The following ODR4 variants were observed in gnomAD, a reference collection of about 807,000 sequenced individuals.
ODR4 encodes the protein protein odr-4 homolog.
A neutral mutation model predicts 60.2 loss-of-function variants in ODR4; 47 were observed. The ratio of observed to expected loss-of-function variants is 0.78; its 90% CI spans 0.62 to 1.00. ODR4 has a LOEUF of 1.00. Ranked by LOEUF, ODR4 falls within the 50% of genes least tolerant of loss-of-function variation. The pLI is 0.00. For missense variants in ODR4, 488 were observed against 530.8 expected, an observed-to-expected ratio of 0.92 and a Z score of 0.79; for synonymous variants, 178 against 175.5, an observed-to-expected ratio of 1.01 and a Z score of -0.11.
intron 11 of ODR4, chr1:186,400,853 T>A (rs1660915734): frequency 4.3e-6 from 2 of 468,104 alleles, no homozygotes; most frequent in Non-Finnish European, 7.6e-6. Context: ...ACAATTGGAT[T>A]GAGAGTTTTG....
At chr1:186,411,186 T>G (rs192014335) in intron 12 of ODR4, among the ~76,000 whole-genome samples, 32 of 152,262 alleles carry the variant, frequency 2.1e-4, no homozygotes, top group Admixed American at 2.1e-3. Flanking sequence ...AGATTTTGGA[T>G]TCTTGGGTTA....
intron 12 of ODR4, among the ~76,000 whole-genome samples, chr1:186,409,458 G>C (rs1304052486): frequency 6.6e-6 from 1 of 152,212 alleles, no homozygotes; most frequent in East Asian, 1.9e-4. Flanking sequence ...GATATTTGTT[G>C]ACTGAATAAA....
Position 186,391,743 on chromosome 1 carries a change from G to C in ODR4, c.663G>C (p.Leu221Phe), listed in dbSNP as rs771122683. ...WAKEIENGVY[L>F]INGQVKDEDC... is the part of the protein sequence containing the mutation. ...AGGAAATAGAAAATGGTGTTTATTT[G>C]ATTAATGGACAAGTTAAAGATGAAG... The change falls in exon 8 of 14, where the codon TTG becomes TTC. Residue 221 changes from leucine to phenylalanine, a missense_variant. Transcript: ENST00000287859. The C allele has an allele frequency of 6.2e-7, 1 of 1,605,114 alleles. No homozygotes were observed. Among genetic ancestry groups the C allele is most frequent in the East Asian group, 2.2e-5 (1 of 44,706 alleles).
At chr1:186,404,158 A>T (rs184537527) in intron 11 of ODR4, among the ~76,000 whole-genome samples, 31 of 152,244 alleles carry the variant, frequency 2.0e-4, no homozygotes, top group Non-Finnish European at 3.4e-4. Flanking sequence ...ATTTGTTTTG[A>T]CTTTATTCAG....
chr1:186,404,848 A>T (rs1661115111), intron 11 of ODR4, among the ~76,000 whole-genome samples: 2 of 152,176 alleles, frequency 1.3e-5, no homozygotes, highest in Admixed American at 1.3e-4. Context: ...CTAGTTTTCC[A>T]CTTGATCTTT....
intron 9 of ODR4, among the ~76,000 whole-genome samples, chr1:186,397,745 G>A (rs904057399): frequency 1.3e-5 from 2 of 152,106 alleles, no homozygotes; most frequent in Non-Finnish European, 2.9e-5. Flanking sequence ...AAGATGATGG[G>A]GTTGAAAATA....
intron 12 of ODR4, among the ~76,000 whole-genome samples, chr1:186,406,515 A>G (rs1196072935): frequency 6.6e-6 from 1 of 152,192 alleles, no homozygotes; most frequent in East Asian, 1.9e-4. Context: ...CTTAGCAAGT[A>G]GATCTTAATA....
the ODR4 span, among the ~76,000 whole-genome samples, chr1:186,434,997 C>G: frequency 6.6e-6 from 1 of 152,104 alleles, no homozygotes; most frequent in African/African-American, 2.4e-5. Context: ...AATAAAATAA[C>G]CTAGGGTGAA....
intron 4 of ODR4, among the ~76,000 whole-genome samples, chr1:186,388,233 GT>G (rs1475347804): frequency 6.6e-6 from 1 of 152,180 alleles, no homozygotes; most frequent in African/African-American, 2.4e-5. Context: ...TGTAGTCCCA[GT>G]TACTTGGGAA....
intron 12 of ODR4, chr1:186,417,292 G>T: frequency 2.9e-6 from 1 of 345,812 alleles, no homozygotes; most frequent in Admixed American, 4.9e-5. Context: ...AAGTCATTCA[G>T]AACTGGCTGT....
At chr1:186,397,015 A>G (rs1660709687) in intron 9 of ODR4, among the ~76,000 whole-genome samples, 1 of 152,002 alleles carries the variant, frequency 6.6e-6, no homozygotes, top group African/African-American at 2.4e-5. Context: ...GCATCGTCAC[A>G]CTGCTGCTTG....
chr1:186,409,212 A>T (rs915512214), intron 12 of ODR4, among the ~76,000 whole-genome samples: 1 of 151,162 alleles, frequency 6.6e-6, no homozygotes, highest in Non-Finnish European at 1.5e-5. Context: ...AAAAAAAATT[A>T]AGTAGCTTCA....
At chr1:186,399,206 ATTTTTT>A (rs532098710) in intron 11 of ODR4, 162 bp downstream of exon 11, 1 of 514,844 alleles carries the variant, frequency 1.9e-6, no homozygotes. Flanking sequence ...TGCTACTCAG[ATTTTTT>A]TTTTTTTTTT....
downstream of ODR4, among the ~76,000 whole-genome samples, chr1:186,423,025 C>CTT (rs1467013341): frequency 1.3e-5 from 2 of 152,130 alleles, no homozygotes; most frequent in Non-Finnish European, 2.9e-5. Context: ...TATTTGAAAA[C>CTT]TTAGACAAAA....
chr1:186,421,722 C>T (rs947279614), downstream of ODR4, among the ~76,000 whole-genome samples: 11 of 151,732 alleles, frequency 7.2e-5, no homozygotes, highest in East Asian at 3.9e-4. Flanking sequence ...AAATCAGCTG[C>T]GTGTGATGGC....
At chr1:186,432,751 A>T in the ODR4 span, among the ~76,000 whole-genome samples, 8 of 150,168 alleles carry the variant, frequency 5.3e-5, no homozygotes, top group Admixed American at 6.6e-5. Flanking sequence ...TGCTTTTCTC[A>T]TAGCCACCAC....
intron 11 of ODR4, among the ~76,000 whole-genome samples, chr1:186,400,420 C>T (rs1660891874): frequency 6.6e-6 from 1 of 152,102 alleles, no homozygotes; most frequent in East Asian, 1.9e-4. Flanking sequence ...GCTGAGATTA[C>T]AGGTGCCCAC....
chr1:186,407,799 C>A (rs1399722201), intron 12 of ODR4, among the ~76,000 whole-genome samples: 1 of 152,054 alleles, frequency 6.6e-6, no homozygotes, highest in Admixed American at 6.5e-5. Context: ...TTTTTTCTTA[C>A]CACCTTGTTT....
intron 11 of ODR4, 137 bp downstream of exon 11, chr1:186,399,181 T>C (rs1232141534): frequency 5.5e-6 from 4 of 721,064 alleles, no homozygotes; most frequent in African/African-American, 1.8e-5. Context: ...TATTATTGGA[T>C]GAAAATTTTT....
Sources: gnomAD v4.1 joint callset for allele counts (sites outside exome capture counted in the v4.1 genomes callset) on GRCh38, gnomAD v4.1.1 for gene constraint, MANE v1.5 for transcripts, NCBI Gene and HGNC (gene_info 2026-07-23, HGNC 2026-07-21) for gene names.